Variants in EPS15 observed in about 807,000 individuals in gnomAD.
EPS15 encodes epidermal growth factor receptor pathway substrate 15, also known as epidermal growth factor receptor substrate 15.
Under a neutral mutation model 113.8 loss-of-function variants are expected in EPS15, and 72 were observed. The observed-to-expected ratio is 0.63, with a 90% CI of 0.52 to 0.77. EPS15 has a LOEUF of 0.77. Among genes scored for constraint, EPS15 ranks in the 30% least tolerant of loss-of-function variants. The pLI is 0.00. For synonymous variants in EPS15, 344 were observed against 363.4 expected (o/e 0.95, Z 0.61); for missense variants, 1,048 against 1,045.8 (o/e 1.00, Z -0.03).
At chr1:51,421,998 C>T in intron 12 of EPS15, 140 bp from the exon 13 acceptor site, 10 of 1,340,708 alleles carry the variant, frequency 7.5e-6, no homozygotes, top group East Asian at 2.8e-5. Context: ...GATTTTTCTA[C>T]CCTCTTTCAA....
chr1:51,411,233 GCTTT>G (rs1403336456), intron 13 of EPS15, among the ~76,000 whole-genome samples: 1 of 152,054 alleles, frequency 6.6e-6, no homozygotes, highest in Non-Finnish European at 1.5e-5. Flanking sequence ...ATATCATGTT[GCTTT>G]CTTTAAAAAA....
At chr1:51,426,427 C>G (rs1651203064) in intron 12 of EPS15, among the ~76,000 whole-genome samples, 1 of 147,834 alleles carries the variant, frequency 6.8e-6, no homozygotes, top group Non-Finnish European at 1.5e-5. Flanking sequence ...TGATAAAAAG[C>G]TAGCATTCTA....
chr1:51,422,594 A>T (rs912257157), intron 12 of EPS15, among the ~76,000 whole-genome samples: 1 of 152,248 alleles, frequency 6.6e-6, no homozygotes, highest in Non-Finnish European at 1.5e-5. Context: ...TATATGCTTT[A>T]ATCAGGCCTG....
At chr1:51,494,408 T>C (rs1570426178) in intron 1 of EPS15, among the ~76,000 whole-genome samples, 2 of 152,244 alleles carry the variant, frequency 1.3e-5, no homozygotes, top group Non-Finnish European at 2.9e-5. Context: ...GTTTAGATTC[T>C]ACAATTCATC....
chr1:51,440,281 G>C lies in EPS15; in HGVS notation c.1040+66C>G, dbSNP rs1013152491. 47 of 286,388 alleles carry C rather than the reference G, an allele frequency of 1.6e-4. No individual in the cohort carries two copies. In the African/African-American group the frequency reaches 2.7e-3, roughly 17 times the overall value. The allele number at this position is 286,388 out of a possible 1,614,324, so 17.7% of individuals were successfully genotyped here. On this transcript the variant is annotated intron_variant, in intron 12 of 24. Coordinates refer to ENST00000371733, the MANE Select transcript of EPS15 (RefSeq NM_001981.3). ...TTGTATACATATATACATGTACTGT[G>C]TGTGTGTGTGTGTGTGTGTGTGTGT...
intron 21 of EPS15, among the ~76,000 whole-genome samples, chr1:51,387,589 G>C (rs1036804051): frequency 5.3e-5 from 8 of 152,118 alleles, no homozygotes; most frequent in African/African-American, 1.9e-4. Flanking sequence ...CACGTGCAGA[G>C]ACACACATAG....
intron 21 of EPS15, among the ~76,000 whole-genome samples, chr1:51,371,040 G>C (rs147648483): frequency 6.6e-6 from 1 of 151,876 alleles, no homozygotes; most frequent in Non-Finnish European, 1.5e-5. Flanking sequence ...CTCAGCCTCC[G>C]AGTAGCTTGC....
At chr1:51,371,431 A>C (rs1036022353) in intron 21 of EPS15, among the ~76,000 whole-genome samples, 1 of 152,050 alleles carries the variant, frequency 6.6e-6, no homozygotes, top group Non-Finnish European at 1.5e-5. Context: ...GTGCAGGCCT[A>C]GGCTCATGTT....
At position 51,518,504 on chromosome 1, in the gene EPS15, T is replaced by C. The variant is rs577896663; in HGVS notation, c.33+695A>G. ...CAGACGTGGGTGGCAAAAGGCTGCA[T>C]TGGGGGTCTGACCCAGAAGGAAACC... is the stretch of plus-strand genomic sequence containing the variant. On this transcript the variant is annotated intron_variant, in intron 1 of 24. Coordinates refer to ENST00000371733, the MANE Select transcript of EPS15 (RefSeq NM_001981.3). 65 of 152,990 alleles carry C rather than the reference T, an allele frequency of 4.2e-4. 1 individual carries two copies. Among genetic ancestry groups the C allele is most frequent in the African/African-American group, 7.0e-4 (29 of 41,498 alleles). The allele number at this position is 152,990 out of a possible 1,614,324, so 9.5% of individuals were successfully genotyped here.
chr1:51,510,907 G>A (rs1644607608), intron 1 of EPS15, among the ~76,000 whole-genome samples: 1 of 152,166 alleles, frequency 6.6e-6, no homozygotes, highest in South Asian at 2.1e-4. Context: ...GCTCACGCCT[G>A]TAATCCCAAG....
chr1:51,398,497 C>T (rs1378002756), intron 20 of EPS15, among the ~76,000 whole-genome samples: 1 of 152,006 alleles, frequency 6.6e-6, no homozygotes, highest in Admixed American at 6.6e-5. Flanking sequence ...AGATTAGAAA[C>T]AATGAATGTA....
chr1:51,499,042 C>T (rs188211344), intron 1 of EPS15, among the ~76,000 whole-genome samples: 1 of 152,166 alleles, frequency 6.6e-6, no homozygotes, highest in African/African-American at 2.4e-5. Flanking sequence ...GCCCTTCTAC[C>T]ATATGAGGAT....
Position 51,409,643 on chromosome 1 carries a change from G to T in EPS15, c.1167C>A (p.Ala389=), listed in dbSNP as rs1649506636. The change falls in exon 14 of 25, where the codon GCC becomes GCA. Residue 389 remains alanine (A), a synonymous_variant. Transcript: ENST00000371733. ...GGAGTTCCTGTACCTGCTGTTTCTG[G>T]GCCTGTAGTTTTTGCAGATTAGTAT... The part of the protein sequence containing the change: ...RENTNLQKLQ[A]QKQQVQELLD... 1.2e-6 allele frequency: 2 copies of T among 1,613,012 alleles called. No individual in the cohort carries two copies. Among genetic ancestry groups the T allele is most frequent in the Admixed American group, 3.3e-5 (2 of 59,852 alleles).
In EPS15 at chr1:51,399,183, G is replaced by A. The variant is rs376512911; in HGVS notation, c.1919-18C>T. ...AAATGGATCTAAAAAAATAAGGCAC[G>A]AATATAAGAGACAAAAAAAAATTAT... On this transcript the variant is annotated intron_variant, in intron 19 of 24. Coordinates refer to ENST00000371733, the MANE Select transcript of EPS15 (RefSeq NM_001981.3). The A allele has an allele frequency of 1.0e-4, 160 of 1,605,894 alleles. No individual in the cohort carries two copies. Among genetic ancestry groups the A allele is most frequent in the Non-Finnish European group, 1.2e-4 (143 of 1,176,046 alleles).
intron 1 of EPS15, among the ~76,000 whole-genome samples, chr1:51,512,541 C>T (rs941944038): frequency 1.3e-5 from 2 of 151,530 alleles, no homozygotes; most frequent in Non-Finnish European, 2.9e-5. Flanking sequence ...CAAAGAAGGG[C>T]AAATTTCCTA....
At chr1:51,360,015 G>A (rs1298851458) in intron 24 of EPS15, among the ~76,000 whole-genome samples, 1 of 152,034 alleles carries the variant, frequency 6.6e-6, no homozygotes, top group East Asian at 1.9e-4. Context: ...AAGTAGCTGG[G>A]ACTACAGGTG....
At chr1:51,419,404 C>CA (rs542416557) in intron 13 of EPS15, among the ~76,000 whole-genome samples, 118 of 148,076 alleles carry the variant, frequency 8.0e-4, no homozygotes, top group South Asian at 2.1e-3. Context: ...AAACACAAAA[C>CA]AAAAAAAAAA....
chr1:51,361,103 G>A (rs1646374407), intron 24 of EPS15, 68 bp downstream of exon 24: 1 of 1,180,008 alleles, frequency 8.5e-7, no homozygotes, highest in African/African-American at 1.5e-5. Flanking sequence ...AAACTTGGCA[G>A]ACTCCAAAAT....
At chr1:51,363,297 CAAAAAAA>C (rs34317809) in intron 23 of EPS15, among the ~76,000 whole-genome samples, 2 of 76,760 alleles carry the variant, frequency 2.6e-5, no homozygotes, top group African/African-American at 4.7e-5. Flanking sequence ...GATTCCATCT[CAAAAAAA>C]AAAAAAAAAA....
Sources: allele counts gnomAD v4.1 joint callset (sites outside exome capture counted in the v4.1 genomes callset), GRCh38; gene constraint gnomAD v4.1.1; transcripts MANE v1.5; gene names NCBI Gene and HGNC (gene_info 2026-07-23, HGNC 2026-07-21).